GRID1: variants seen among roughly 807,000 people sequenced by gnomAD.
GRID1 encodes the protein glutamate receptor ionotropic, delta-1.
Under a neutral mutation model 98.0 loss-of-function variants are expected in GRID1, and 28 were observed. The observed-to-expected ratio is 0.29, with a 90% CI of 0.21 to 0.39. The LOEUF (loss-of-function observed/expected upper bound fraction) is 0.39, where lower values mean the gene tolerates loss of function less well. GRID1 is among the 10% of genes least tolerant of loss of function. The probability of loss-of-function intolerance (pLI) is 1.00; values close to 1 mark genes in which losing one functional copy is unlikely to be tolerated. For missense variants in GRID1, 1,111 were observed against 1,340.5 expected (o/e 0.83, Z 2.67); for synonymous variants, 553 against 538.5 (o/e 1.03, Z -0.37).
chr10:85,904,882 G>A (rs909890578), intron 5 of GRID1, among the ~76,000 whole-genome samples: 3 of 152,078 alleles, frequency 2.0e-5, no homozygotes, highest in African/African-American at 7.2e-5. Flanking sequence ...CCTAGTATCT[G>A]CGTAACTCAA....
In GRID1 at chr10:86,206,636, A is replaced by G. The variant is rs1210824925; in HGVS notation, c.248T>C (p.Met83Thr). Reference protein sequence around the residue: ...FQAVQEACDLMTQGILALVTS... With the variant: ...FQAVQEACDLTTQGILALVTS... ...GACCAAGGCCAAAATCCCCTGGGTC[A>G]TGAGGTCACAGGCTAGAAAGAGAGA... is the stretch of plus-strand genomic sequence containing the variant. Residue 83 changes from methionine (M) to threonine (T), a missense_variant, in exon 3 of 16, where the codon ATG becomes ACG. By Grantham distance (81) the Met-to-Thr change is moderately conservative (BLOSUM62 -1). Around this residue, in one of 3 missense-constraint regions of GRID1, gnomAD observed 346 missense variants for 452.3 expected, o/e 0.76. Transcript: ENST00000327946. This position sits in a 1 kb window ranked among gnomAD's most constrained non-coding sequence, Gnocchi z 4.1. The G allele has an allele frequency of 6.2e-7, 1 of 1,613,288 alleles. No individual in the cohort carries two copies. Among genetic ancestry groups the G allele is most frequent in the East Asian group, 2.2e-5 (1 of 44,862 alleles).
At chr10:86,118,840 T>C (rs1478602591) in intron 4 of GRID1, among the ~76,000 whole-genome samples, 1 of 152,118 alleles carries the variant, frequency 6.6e-6, no homozygotes, top group African/African-American at 2.4e-5. Flanking sequence ...AGAAAAACAT[T>C]AGATAAATCC....
At chr10:85,612,858 G>A (rs761975639) in intron 15 of GRID1, among the ~76,000 whole-genome samples, 26 of 152,200 alleles carry the variant, frequency 1.7e-4, no homozygotes, top group Admixed American at 5.2e-4. Flanking sequence ...AACCCGGAGT[G>A]TGGACAGAGC....
intron 12 of GRID1, among the ~76,000 whole-genome samples, chr10:85,650,550 A>G (rs1308561700): frequency 6.6e-6 from 1 of 152,244 alleles, no homozygotes; most frequent in African/African-American, 2.4e-5. Flanking sequence ...GGCAGGCATC[A>G]TCAAGGGGCG....
chr10:86,262,661 C>T (rs188462155), intron 2 of GRID1, among the ~76,000 whole-genome samples: 60 of 152,312 alleles, frequency 3.9e-4, no homozygotes, highest in African/African-American at 1.4e-3. Context: ...AAACTGAGCT[C>T]AGAGAGGTTA....
At chr10:85,929,152 G>C (rs1841815304) in intron 4 of GRID1, among the ~76,000 whole-genome samples, 1 of 152,210 alleles carries the variant, frequency 6.6e-6, no homozygotes, top group African/African-American at 2.4e-5. Flanking sequence ...TGGGGTGTGT[G>C]AGAAACAGTT....
intron 12 of GRID1, among the ~76,000 whole-genome samples, chr10:85,667,314 CACAG>C (rs1254433874): frequency 1.4e-4 from 20 of 146,436 alleles, no homozygotes; most frequent in African/African-American, 4.4e-4. Flanking sequence ...ATCACACACA[CACAG>C]AGAGAGAGAG....
chr10:86,153,849 G>A (rs1845204833), intron 3 of GRID1, among the ~76,000 whole-genome samples: 1 of 152,042 alleles, frequency 6.6e-6, no homozygotes, highest in Non-Finnish European at 1.5e-5. Flanking sequence ...CCTCCTGCCA[G>A]AACCTCTTGG....
At chr10:85,855,816 A>G (rs1843104353) in intron 7 of GRID1, among the ~76,000 whole-genome samples, 1 of 152,166 alleles carries the variant, frequency 6.6e-6, no homozygotes, top group Non-Finnish European at 1.5e-5. Context: ...TATTAAATTG[A>G]AGACAGTAAT....
intron 5 of GRID1, among the ~76,000 whole-genome samples, chr10:85,890,977 T>C (rs1841191978): frequency 6.6e-6 from 1 of 152,158 alleles, no homozygotes; most frequent in Non-Finnish European, 1.5e-5. Context: ...CACAGTTTAC[T>C]CCCCAGGCAG....
At chr10:86,269,380 CA>C (rs962467521) in intron 2 of GRID1, among the ~76,000 whole-genome samples, 1 of 152,192 alleles carries the variant, frequency 6.6e-6, no homozygotes, top group African/African-American at 2.4e-5. Context: ...ACAGAGGCCC[CA>C]GCTCCTGCTG....
intron 4 of GRID1, among the ~76,000 whole-genome samples, chr10:86,105,089 G>A (rs1051296500): frequency 1.3e-5 from 2 of 152,148 alleles, no homozygotes; most frequent in Non-Finnish European, 2.9e-5. Flanking sequence ...AGTGATTTAC[G>A]GTGGCTCTGA....
At chr10:86,151,685 C>T (rs1016813486) in intron 3 of GRID1, among the ~76,000 whole-genome samples, 16 of 152,192 alleles carry the variant, frequency 1.1e-4, no homozygotes, top group African/African-American at 3.9e-4. Flanking sequence ...CAGCCCCAAC[C>T]GAGTTAACCT....
intron 3 of GRID1, among the ~76,000 whole-genome samples, chr10:86,184,527 T>C (rs1234831719): frequency 6.6e-6 from 1 of 151,460 alleles, no homozygotes. Flanking sequence ...AAAGACTATT[T>C]ATTCTTTCTT....
intron 4 of GRID1, among the ~76,000 whole-genome samples, chr10:85,993,624 C>A: frequency 6.6e-6 from 1 of 152,044 alleles, no homozygotes; most frequent in Non-Finnish European, 1.5e-5. Flanking sequence ...GGTACCCCAG[C>A]CAGGGCCCAT....
intron 4 of GRID1, among the ~76,000 whole-genome samples, chr10:85,961,161 C>G (rs1389141178): frequency 6.6e-6 from 1 of 152,136 alleles, no homozygotes. Context: ...CAGTATCGCT[C>G]TGAGGATAGA....
chr10:85,647,353 G>A lies in GRID1; in HGVS notation c.2042C>T (p.Thr681Ile). 6.2e-7 allele frequency: 1 copy of A among 1,614,210 alleles called. No individual in the cohort carries two copies. Residue 681 changes from threonine to isoleucine, a missense_variant, in exon 13 of 16, where the codon ACT becomes ATT. Thr to Ile is a moderately conservative substitution (Grantham distance 89). Transcript: ENST00000327946. ...LSKQVEMSYG[T>I]VRDSAVYEYF... is the part of the protein sequence containing the mutation. ...CTCATATACAGCAGAATCCCGGACA[G>A]TGCCATAAGACATTTCCACTTGTTT...
chr10:85,620,576 T>A (rs1842846703), intron 13 of GRID1, among the ~76,000 whole-genome samples: 1 of 152,184 alleles, frequency 6.6e-6, no homozygotes, highest in African/African-American at 2.4e-5. Context: ...GGTGACTTAA[T>A]ATCAAGCACA....
intron 12 of GRID1, among the ~76,000 whole-genome samples, chr10:85,691,007 A>G (rs1841325332): frequency 6.6e-6 from 1 of 152,174 alleles, no homozygotes. Flanking sequence ...ATGCCAACAC[A>G]ATGCTGAATC....
Sources: allele counts gnomAD v4.1 joint callset (sites outside exome capture counted in the v4.1 genomes callset), GRCh38; gene constraint gnomAD v4.1.1; regional missense constraint gnomAD v4.1.1; non-coding constraint Gnocchi (gnomAD v3.1); transcripts MANE v1.5; gene names NCBI Gene and HGNC (gene_info 2026-07-23, HGNC 2026-07-21).